Variants in GPM6A observed in about 807,000 individuals in gnomAD.
The protein encoded by GPM6A is neuronal membrane glycoprotein M6-a.
Under a neutral mutation model 32.1 loss-of-function variants are expected in GPM6A, and 7 were observed. The ratio of observed to expected loss-of-function variants is 0.22; its 90% confidence interval spans 0.12 to 0.41. GPM6A has a LOEUF of 0.41. Among genes scored for constraint, GPM6A ranks in the 10% least tolerant of loss-of-function variants. The probability of loss-of-function intolerance (pLI) is 1.00; values close to 1 mark genes in which losing one functional copy is unlikely to be tolerated. For synonymous variants in GPM6A, 130 were observed against 123.4 expected, an observed-to-expected ratio of 1.05 and a Z score of -0.35; for missense variants, 235 against 347.2, an observed-to-expected ratio of 0.68 and a Z score of 2.57.
chr4:175,894,192 A>T (rs1190925099), intron 1 of GPM6A, among the ~76,000 whole-genome samples: 1 of 152,140 alleles, frequency 6.6e-6, no homozygotes, highest in Non-Finnish European at 1.5e-5. Flanking sequence ...AAGATAGCAG[A>T]CCGTCCTCAT....
At chr4:175,968,558 C>T (rs910335394) in intron 1 of GPM6A, among the ~76,000 whole-genome samples, 2 of 152,046 alleles carry the variant, frequency 1.3e-5, no homozygotes, top group Non-Finnish European at 2.9e-5. Context: ...CAAAATATAT[C>T]AAGATTTCTT....
intron 1 of GPM6A, among the ~76,000 whole-genome samples, chr4:175,788,852 G>A (rs1245830235): frequency 6.6e-6 from 1 of 152,032 alleles, no homozygotes; most frequent in Non-Finnish European, 1.5e-5. Flanking sequence ...AAAAATTTAA[G>A]CAAACAAAAA....
intron 1 of GPM6A, among the ~76,000 whole-genome samples, chr4:175,845,929 C>G (rs111238172): frequency 6.6e-6 from 1 of 152,014 alleles, no homozygotes; most frequent in African/African-American, 2.4e-5. Flanking sequence ...TTGTACTATA[C>G]CTTTTGTCAT....
chr4:175,709,692 C>A (rs1165111333), intron 1 of GPM6A, among the ~76,000 whole-genome samples: 2 of 145,924 alleles, frequency 1.4e-5, no homozygotes, highest in East Asian at 4.1e-4. Flanking sequence ...CATGCCATTG[C>A]ACTCCAGCCT....
chr4:175,932,402 G>C (rs768214335), intron 1 of GPM6A, among the ~76,000 whole-genome samples: 15 of 152,170 alleles, frequency 9.9e-5, no homozygotes, highest in Non-Finnish European at 1.2e-4. Context: ...CGCCATCTTG[G>C]AAACAAAGAG....
intron 2 of GPM6A, among the ~76,000 whole-genome samples, chr4:175,690,723 T>C (rs114956162): frequency 0.047 from 7,166 of 152,302 alleles, 200 homozygotes; most frequent in Non-Finnish European, 0.063. Context: ...GATTTGGGGC[T>C]CATCCAGATA....
At chr4:175,811,760 T>C (rs1329252271) in intron 1 of GPM6A, 2 of 153,688 alleles carry the variant, frequency 1.3e-5, no homozygotes, top group African/African-American at 4.8e-5. Flanking sequence ...TTAATGGTCT[T>C]GGTCTTTGTT....
chr4:175,962,708 A>C (rs1298652083), intron 1 of GPM6A, among the ~76,000 whole-genome samples: 1 of 152,148 alleles, frequency 6.6e-6, no homozygotes, highest in Non-Finnish European at 1.5e-5. Flanking sequence ...CAGACAGACC[A>C]AAAAAACCCA....
intron 1 of GPM6A, among the ~76,000 whole-genome samples, chr4:175,807,910 C>T (rs1348580319): frequency 6.6e-6 from 1 of 152,152 alleles, no homozygotes; most frequent in East Asian, 1.9e-4. Flanking sequence ...TGACTTTGGT[C>T]TAGTCAATTA....
intron 1 of GPM6A, among the ~76,000 whole-genome samples, chr4:175,728,420 A>G (rs2111134197): frequency 6.6e-6 from 1 of 152,312 alleles, no homozygotes; most frequent in Middle Eastern, 3.4e-3. Context: ...AAGCCGGAGT[A>G]CATGATTTTG....
intron 1 of GPM6A, among the ~76,000 whole-genome samples, chr4:175,829,374 T>C (rs1468199631): frequency 6.6e-6 from 1 of 152,174 alleles, no homozygotes; most frequent in African/African-American, 2.4e-5. Flanking sequence ...TTAAATTATA[T>C]GATTAAAAAA....
upstream of GPM6A, among the ~76,000 whole-genome samples, chr4:175,815,237 A>AT (rs1735060872): frequency 6.6e-6 from 1 of 152,080 alleles, no homozygotes; most frequent in Non-Finnish European, 1.5e-5. Context: ...CTGGTGTCAA[A>AT]TTCCTGACCT....
chr4:175,831,008 CATTT>C (rs1407906149), intron 1 of GPM6A, among the ~76,000 whole-genome samples: 1 of 152,094 alleles, frequency 6.6e-6, no homozygotes, highest in Non-Finnish European at 1.5e-5. Context: ...TCCTTTATCT[CATTT>C]ATTTGTCTAT....
At chr4:175,784,910 T>A (rs1733739623) in intron 1 of GPM6A, among the ~76,000 whole-genome samples, 4 of 152,194 alleles carry the variant, frequency 2.6e-5, no homozygotes, top group Admixed American at 2.6e-4. Context: ...ATCAATTGCC[T>A]CAATCCTAGT....
Position 175,718,492 on chromosome 4 carries a change from T to C in GPM6A, c.38-16725A>G, listed in dbSNP as rs191575223. Among the ~76,000 whole-genome samples, 34 of 152,174 alleles carry C rather than the reference T, an allele frequency of 2.2e-4. 1 individual carries two copies. In the East Asian group the frequency reaches 5.4e-3, roughly 24 times the overall value. On this transcript the variant is annotated intron_variant, in intron 1 of 6. Coordinates refer to ENST00000393658, the MANE Select transcript of GPM6A (RefSeq NM_201591.3). ...ATAGCTGGGTGTAATGGTGGGCACC[T>C]GTAGTCTCAGCTACTTGGGAGGCTG...
chr4:175,709,727 CAAA>C (rs559363193), intron 1 of GPM6A, among the ~76,000 whole-genome samples: 4 of 68,568 alleles, frequency 5.8e-5, no homozygotes, highest in Non-Finnish European at 5.7e-5. Flanking sequence ...GACTCCATCT[CAAA>C]AAAAAAAAAA....
At chr4:175,898,214 T>C (rs1400533179) in intron 1 of GPM6A, among the ~76,000 whole-genome samples, 1 of 152,192 alleles carries the variant, frequency 6.6e-6, no homozygotes, top group Non-Finnish European at 1.5e-5. Context: ...CTATGTAAAA[T>C]GTAAATTTGA....
intron 2 of GPM6A, among the ~76,000 whole-genome samples, chr4:175,680,158 C>CAT (rs912115144): frequency 1.3e-5 from 2 of 151,976 alleles, no homozygotes; most frequent in Admixed American, 6.6e-5. Flanking sequence ...TTCATATATA[C>CAT]ATATATATAC....
chr4:175,774,109 C>T (rs1225605508), intron 1 of GPM6A, among the ~76,000 whole-genome samples: 6 of 152,060 alleles, frequency 3.9e-5, no homozygotes, highest in African/African-American at 1.4e-4. Context: ...AATCAAGTTT[C>T]ATAGACCACT....
Sources: allele counts gnomAD v4.1 joint callset (sites outside exome capture counted in the v4.1 genomes callset), GRCh38; gene constraint gnomAD v4.1.1; transcripts MANE v1.5; gene names NCBI Gene and HGNC (gene_info 2026-07-23, HGNC 2026-07-21).